ARHGEF10L: variants seen among roughly 807,000 people sequenced by gnomAD.
ARHGEF10L encodes rho guanine nucleotide exchange factor 10-like protein.
Under a neutral mutation model 141.2 loss-of-function variants are expected in ARHGEF10L, and 69 were observed. The observed-to-expected ratio is 0.49, with a 90% CI of 0.40 to 0.60. ARHGEF10L has a LOEUF of 0.60. Among genes scored for constraint, ARHGEF10L ranks in the 20% least tolerant of loss-of-function variants. The pLI is 0.00. For missense variants in ARHGEF10L, 1,482 were observed against 1,734.3 expected, an observed-to-expected ratio of 0.85 and a Z score of 2.58; for synonymous variants, 711 against 718.5, an observed-to-expected ratio of 0.99 and a Z score of 0.17.
chr1:17,534,292 T>C, the ARHGEF10L span, among the ~76,000 whole-genome samples: 1 of 151,994 alleles, frequency 6.6e-6, no homozygotes, highest in Non-Finnish European at 1.5e-5. Context: ...CCGGCTAATC[T>C]TTTGTATTTT....
intron 1 of ARHGEF10L, among the ~76,000 whole-genome samples, chr1:17,567,169 C>T (rs909324671): frequency 1.3e-5 from 2 of 152,294 alleles, no homozygotes; most frequent in African/African-American, 2.4e-5. Context: ...TCCGTGCATC[C>T]GCCCCTCCAG....
intron 22 of ARHGEF10L, 37 bp downstream of exon 22, chr1:17,648,712 G>C: frequency 6.3e-7 from 1 of 1,599,982 alleles, no homozygotes; most frequent in Non-Finnish European, 8.5e-7. Flanking sequence ...GACCTCGAAG[G>C]TGGCTGCGGC....
chr1:17,588,911 TTGGGG>T (rs2079289411), intron 4 of ARHGEF10L, among the ~76,000 whole-genome samples: 3 of 9,650 alleles, frequency 3.1e-4, no homozygotes, highest in Admixed American at 1.5e-3. Context: ...GTGGGGGAGG[TTGGGG>T]GGGTTTGAGG....
intron 21 of ARHGEF10L, among the ~76,000 whole-genome samples, chr1:17,641,975 C>T (rs1196827000): frequency 3.5e-5 from 5 of 144,372 alleles, no homozygotes; most frequent in Admixed American, 1.4e-4. Context: ...AGTGAGACTC[C>T]GTCTTAAAAA....
chr1:17,628,073 C>T (rs144593047), intron 15 of ARHGEF10L, among the ~76,000 whole-genome samples: 3,509 of 151,890 alleles, frequency 0.023, 145 homozygotes, highest in African/African-American at 0.081. Flanking sequence ...CGTGGTAGCT[C>T]ACGCCTGTAG....
At chr1:17,678,001 GTGAGCTGAGC>G (rs542644781) in intron 26 of ARHGEF10L, among the ~76,000 whole-genome samples, 1 of 152,110 alleles carries the variant, frequency 6.6e-6, no homozygotes, top group East Asian at 1.9e-4. Context: ...GGGGCTGCGG[GTGAGCTGAGC>G]TGAGCTGAGC....
At chr1:17,631,625 TGTGTCATCACACGTGACCC>T (rs912102297) in intron 15 of ARHGEF10L, among the ~76,000 whole-genome samples, 9 of 152,354 alleles carry the variant, frequency 5.9e-5, no homozygotes, top group Non-Finnish European at 8.8e-5. Flanking sequence ...GGCCATGACC[TGTGTCATCACACGTGACCC>T]GTGTCATCAC....
chr1:17,645,649 CT>C (rs1380501940), intron 21 of ARHGEF10L, among the ~76,000 whole-genome samples: 1 of 152,172 alleles, frequency 6.6e-6, no homozygotes, highest in African/African-American at 2.4e-5. Context: ...TGCCCAGGGG[CT>C]TGTCCAAGAG....
chr1:17,605,348 T>G (rs2081070529), intron 6 of ARHGEF10L, among the ~76,000 whole-genome samples: 3 of 152,176 alleles, frequency 2.0e-5, no homozygotes, highest in South Asian at 4.1e-4. Context: ...GGGCCTCAGT[T>G]GACCCATCTG....
intron 1 of ARHGEF10L, among the ~76,000 whole-genome samples, chr1:17,551,826 C>G (rs1230351863): frequency 6.6e-6 from 1 of 152,174 alleles, no homozygotes; most frequent in Admixed American, 6.5e-5. Flanking sequence ...TGGGACTGGT[C>G]TTCTAACTAA....
rs1434685528 is a variant in ARHGEF10L, at chr1:17,616,266, G to A, written c.835+64G>A. 16 of 831,342 alleles carry A rather than the reference G, an allele frequency of 1.9e-5. 1 individual carries two copies. The highest frequency in any genetic ancestry group is 3.1e-5 in the Non-Finnish European group (16 of 508,756). The allele number at this position is 831,342 out of a possible 1,614,324, so 51.5% of individuals were successfully genotyped here. Reference sequence around the variant, plus strand: ...TCTGACTGGGGGTCGGGGAGGGTGGGATTTTGCTTTACACCCCAGAGGTCA... The same window carrying A: ...TCTGACTGGGGGTCGGGGAGGGTGGAATTTTGCTTTACACCCCAGAGGTCA... On this transcript the variant is annotated intron_variant, in intron 9 of 28. Transcript: ENST00000361221.
At chr1:17,521,167 C>T in the ARHGEF10L span, among the ~76,000 whole-genome samples, 2 of 152,132 alleles carry the variant, frequency 1.3e-5, no homozygotes, top group African/African-American at 2.4e-5. Context: ...TGACTATCTC[C>T]GGGAATGGAG....
At chr1:17,579,300 G>A (rs1408417998) in intron 1 of ARHGEF10L, among the ~76,000 whole-genome samples, 7 of 152,146 alleles carry the variant, frequency 4.6e-5, no homozygotes, top group South Asian at 4.1e-4. Flanking sequence ...AGATACAGGC[G>A]TGAGACACTG....
intron 4 of ARHGEF10L, 121 bp from the exon 5 acceptor site, chr1:17,602,006 C>G: frequency 2.3e-6 from 2 of 860,716 alleles, no homozygotes; most frequent in Middle Eastern, 3.6e-4. Flanking sequence ...CTCAGGTCTC[C>G]CCAGCAGCCT....
chr1:17,534,541 AT>A, the ARHGEF10L span, among the ~76,000 whole-genome samples: 1 of 150,618 alleles, frequency 6.6e-6, no homozygotes, highest in African/African-American at 2.4e-5. Flanking sequence ...GATTACAGGC[AT>A]GAGTCATGGT....
intron 1 of ARHGEF10L, among the ~76,000 whole-genome samples, chr1:17,569,885 C>T (rs978916289): frequency 6.6e-6 from 1 of 152,216 alleles, no homozygotes; most frequent in Non-Finnish European, 1.5e-5. Flanking sequence ...AAAAATAGTC[C>T]AAGTCCTCCT....
chr1:17,570,503 G>C (rs2077950455), intron 1 of ARHGEF10L, among the ~76,000 whole-genome samples: 2 of 151,986 alleles, frequency 1.3e-5, no homozygotes, highest in Non-Finnish European at 2.9e-5. Flanking sequence ...GGTGACTAGA[G>C]TGAGCTGTGT....
At chr1:17,646,007 A>G (rs1026797868) in intron 21 of ARHGEF10L, among the ~76,000 whole-genome samples, 4 of 152,176 alleles carry the variant, frequency 2.6e-5, no homozygotes, top group Non-Finnish European at 4.4e-5. Flanking sequence ...CAGGTCTTAC[A>G]TGACTCTGTT....
intron 2 of ARHGEF10L, among the ~76,000 whole-genome samples, chr1:17,581,024 GA>G (rs1215181558): frequency 2.0e-5 from 3 of 151,934 alleles, no homozygotes; most frequent in Non-Finnish European, 4.4e-5. Context: ...GAAAGTAAAA[GA>G]AAAATACAGC....
Sources: allele counts gnomAD v4.1 joint callset (sites outside exome capture counted in the v4.1 genomes callset), GRCh38; gene constraint gnomAD v4.1.1; transcripts MANE v1.5; gene names NCBI Gene and HGNC (gene_info 2026-07-23, HGNC 2026-07-21).